The following ANKRD13C variants were observed in gnomAD, a reference collection of about 807,000 sequenced individuals.
The protein encoded by ANKRD13C is ankyrin repeat domain-containing protein 13C.
A neutral mutation model predicts 65.5 loss-of-function variants in ANKRD13C; 16 were observed. The observed-to-expected ratio is 0.24, with a 90% CI of 0.17 to 0.37. ANKRD13C has a LOEUF of 0.37. Among genes scored for constraint, ANKRD13C ranks in the 10% least tolerant of loss-of-function variants. The probability of loss-of-function intolerance (pLI) is 1.00; values close to 1 mark genes in which losing one functional copy is unlikely to be tolerated. For missense variants in ANKRD13C, 503 were observed against 655.9 expected, an observed-to-expected ratio of 0.77 and a Z score of 2.55; for synonymous variants, 235 against 238.7, an observed-to-expected ratio of 0.98 and a Z score of 0.14.
chr1:70,305,566 T>C (rs1680552128), intron 6 of ANKRD13C: 2 of 152,104 alleles, frequency 1.3e-5, no homozygotes, highest in Non-Finnish European at 2.9e-5. Context: ...AAAGTTGGCA[T>C]ACTAACTAGC....
rs559435560 is a variant in ANKRD13C at position 70,351,213 on chromosome 1, T to C, written c.430+2766A>G. 2.0e-5 allele frequency among the ~76,000 whole-genome samples: 3 copies of C among 152,312 alleles called. No homozygotes were observed. In the South Asian group the frequency reaches 6.2e-4, roughly 32 times the overall value. On this transcript the variant is annotated intron_variant, in intron 1 of 12. Transcript: ENST00000370944. The stretch of plus-strand genomic sequence containing the variant: ...GCTGACCCACTGGATAAATTGTGTC[T>C]ATAATAAGGACAATAATCATCACTG...
rs867988597 is a variant in ANKRD13C at position 70,307,415 on chromosome 1, A to C, written c.710-1125T>G. Among the ~76,000 whole-genome samples, 142 of 152,168 alleles carry C rather than the reference A, an allele frequency of 9.3e-4. 1 individual carries two copies. The highest frequency in any genetic ancestry group is 3.3e-3 in the African/African-American group (137 of 41,544). On this transcript the variant is annotated intron_variant, in intron 5 of 12. Transcript: ENST00000370944. The stretch of plus-strand genomic sequence containing the variant: ...AGCCAGTCTCATAAACCAGTCTCAA[A>C]TAAATAAATAAACAAATAAAATTTT...
intron 5 of ANKRD13C, among the ~76,000 whole-genome samples, chr1:70,313,098 G>A (rs778405794): frequency 1.1e-4 from 17 of 152,076 alleles, no homozygotes; most frequent in Non-Finnish European, 2.4e-4. Flanking sequence ...GATTTCAAAC[G>A]TCCTTAAATT....
chr1:70,269,468 A>T (rs1454380112), intron 12 of ANKRD13C, among the ~76,000 whole-genome samples: 4 of 152,202 alleles, frequency 2.6e-5, no homozygotes, highest in Admixed American at 1.3e-4. Flanking sequence ...TCTTAACAGT[A>T]CCTAGAAGGG....
chr1:70,262,632 A>G lies in ANKRD13C; in HGVS notation c.*85T>C. On this transcript the variant is annotated 3_prime_UTR_variant, in exon 13 of 13. Coordinates refer to ENST00000370944, the MANE Select transcript of ANKRD13C (RefSeq NM_030816.5). ...TGTGTAATTCCCTTTTCTTCACTGA[A>G]AGCATTTGTCCCTTCTATTTGGATC... 1.5e-6 allele frequency: 2 copies of G among 1,379,090 alleles called. No homozygotes were observed. Among genetic ancestry groups the G allele is most frequent in the South Asian group, 3.6e-5 (2 of 55,938 alleles). 85.4% of individuals were successfully genotyped at this position (1,379,090 alleles called of 1,614,324 possible).
In ANKRD13C at chr1:70,262,022, C is replaced by T. The variant is rs1678407627; in HGVS notation, c.*695G>A. On this transcript the variant is annotated 3_prime_UTR_variant, in exon 13 of 13. Coordinates refer to ENST00000370944, the MANE Select transcript of ANKRD13C (RefSeq NM_030816.5). ...CAAACATTCAGGTAAAAACAAATAG[C>T]ACCACAATGAATTGCACTAAGGTGC... 6.6e-6 allele frequency: 1 copy of T among 152,320 alleles called. No individual in the cohort carries two copies. Among genetic ancestry groups the T allele is most frequent in the Admixed American group, 6.6e-5 (1 of 15,242 alleles). 9.4% of individuals were successfully genotyped at this position (152,320 alleles called of 1,614,324 possible).
chr1:70,338,277 G>A (rs1325642781), intron 1 of ANKRD13C, among the ~76,000 whole-genome samples: 2 of 152,054 alleles, frequency 1.3e-5, no homozygotes, highest in Non-Finnish European at 2.9e-5. Flanking sequence ...TTATCCAAAG[G>A]ACGAATAAAG....
chr1:70,275,099 AATC>A (rs1278285171), intron 10 of ANKRD13C, among the ~76,000 whole-genome samples: 2 of 152,200 alleles, frequency 1.3e-5, no homozygotes, highest in Non-Finnish European at 2.9e-5. Flanking sequence ...GAATAAAGAA[AATC>A]ATTAGTAAAA....
chr1:70,331,641 A>G (rs1455384662), intron 2 of ANKRD13C, among the ~76,000 whole-genome samples: 1 of 152,000 alleles, frequency 6.6e-6, no homozygotes, highest in Non-Finnish European at 1.5e-5. Flanking sequence ...CAGGAGTTTG[A>G]GACCAGCCTG....
intron 9 of ANKRD13C, among the ~76,000 whole-genome samples, chr1:70,284,278 T>C (rs1411952066): frequency 6.6e-6 from 1 of 152,130 alleles, no homozygotes; most frequent in Non-Finnish European, 1.5e-5. Context: ...CATTTATTTT[T>C]AAGAATGGAA....
At position 70,261,732 on chromosome 1, in the gene ANKRD13C, G is replaced by T. The variant is rs1313645049; in HGVS notation, c.*985C>A. 6.6e-6 allele frequency: 1 copy of T among 152,526 alleles called. No homozygotes were observed. The highest frequency in any genetic ancestry group is 6.5e-5 in the Admixed American group (1 of 15,276). The allele number at this position is 152,526 out of a possible 1,614,324, so 9.4% of individuals were successfully genotyped here. ...ATCTTATTTTGAAAGGATTAAATAT[G>T]TAGGGTTGTCCAAAATATGTGTATT... On this transcript the variant is annotated 3_prime_UTR_variant, in exon 13 of 13. Coordinates refer to ENST00000370944, the MANE Select transcript of ANKRD13C (RefSeq NM_030816.5).
chr1:70,279,176 C>T (rs535320512), intron 9 of ANKRD13C, among the ~76,000 whole-genome samples: 5 of 152,060 alleles, frequency 3.3e-5, no homozygotes, highest in African/African-American at 9.6e-5. Flanking sequence ...CACTGCACTC[C>T]GGCCTACAGG....
At chr1:70,302,594 C>T (rs1159811433) in intron 6 of ANKRD13C, among the ~76,000 whole-genome samples, 19 of 135,276 alleles carry the variant, frequency 1.4e-4, no homozygotes, top group Non-Finnish European at 1.6e-4. Context: ...GGCGTAGTGG[C>T]GGGCGCCTGT....
At chr1:70,270,503 G>C (rs983139207) in intron 12 of ANKRD13C, among the ~76,000 whole-genome samples, 6 of 152,176 alleles carry the variant, frequency 3.9e-5, no homozygotes, top group Admixed American at 3.9e-4. Flanking sequence ...TTTTTCCACA[G>C]ACTGGTGGGG....
intron 11 of ANKRD13C, among the ~76,000 whole-genome samples, chr1:70,271,220 G>C (rs1041952266): frequency 2.6e-5 from 4 of 152,148 alleles, no homozygotes; most frequent in Non-Finnish European, 4.4e-5. Context: ...CACTGTTTGG[G>C]TGGCTGATTT....
chr1:70,319,065 C>T (rs1681194895), intron 3 of ANKRD13C, among the ~76,000 whole-genome samples: 1 of 152,088 alleles, frequency 6.6e-6, no homozygotes, highest in Non-Finnish European at 1.5e-5. Flanking sequence ...CTCATTTGTT[C>T]CAAAAATGTT....
intron 1 of ANKRD13C, among the ~76,000 whole-genome samples, chr1:70,337,554 C>T (rs1010770329): frequency 6.6e-6 from 1 of 151,890 alleles, no homozygotes; most frequent in Admixed American, 6.6e-5. Context: ...GCACTGCAGC[C>T]TGGGCGACAA....
At chr1:70,319,933 A>G (rs576485857) in intron 3 of ANKRD13C, among the ~76,000 whole-genome samples, 1 of 152,264 alleles carries the variant, frequency 6.6e-6, no homozygotes, top group South Asian at 2.1e-4. Flanking sequence ...TGACACATCT[A>G]GTAGGTATTC....
intron 3 of ANKRD13C, among the ~76,000 whole-genome samples, chr1:70,321,589 C>T (rs565043732): frequency 1.2e-4 from 19 of 152,090 alleles, no homozygotes; most frequent in Non-Finnish European, 2.4e-4. Flanking sequence ...CAACTAGATC[C>T]CAGAGTGCAT....
Sources: gnomAD v4.1 joint callset for allele counts (sites outside exome capture counted in the v4.1 genomes callset) on GRCh38, gnomAD v4.1.1 for gene constraint, MANE v1.5 for transcripts, NCBI Gene and HGNC (gene_info 2026-07-23, HGNC 2026-07-21) for gene names.